LGI2: variants seen among roughly 807,000 people sequenced by gnomAD.
LGI2 encodes the protein leucine rich repeat LGI family member 2.
LGI2 carries 30 observed loss-of-function variants against 52.0 expected under a neutral mutation model. The observed-to-expected ratio is 0.58, with a 90% CI of 0.43 to 0.78. LGI2 has a LOEUF of 0.78. Among genes scored for constraint, LGI2 ranks in the 30% least tolerant of loss-of-function variants. LGI2 has a pLI of 0.00. For missense variants in LGI2, 573 were observed against 692.5 expected (o/e 0.83, Z 1.94); for synonymous variants, 270 against 271.8 (o/e 0.99, Z 0.06).
At chr4:25,013,373 C>G (rs1185254054) in intron 6 of LGI2, among the ~76,000 whole-genome samples, 2 of 152,176 alleles carry the variant, frequency 1.3e-5, no homozygotes, top group Non-Finnish European at 2.9e-5. Context: ...AGAAAAGAGG[C>G]TGCCTCTGCA....
intron 5 of LGI2, 133 bp downstream of exon 5, chr4:25,019,034 G>A: frequency 1.5e-6 from 1 of 689,054 alleles, no homozygotes; most frequent in Non-Finnish European, 2.6e-6. Flanking sequence ...TATTTCCCAG[G>A]ATGCACTACT....
Position 25,012,707 on chromosome 4 carries a change from T to A in LGI2, c.656-208A>T, listed in dbSNP as rs561632761. Among the ~76,000 whole-genome samples, 6 of 152,344 alleles carry A rather than the reference T, an allele frequency of 3.9e-5. No homozygotes were observed. The South Asian group carries it at 1.2e-3, about 32-fold the overall frequency. Reference sequence around the variant, plus strand: ...GCTTGCGCAGGATTATCAGACAGAATGCACAGTTTCTAGTACAGCTTCCTG... The same window carrying A: ...GCTTGCGCAGGATTATCAGACAGAAAGCACAGTTTCTAGTACAGCTTCCTG... On this transcript the variant is annotated intron_variant, in intron 6 of 7. Transcript: ENST00000382114.
chr4:25,006,017 G>T (rs780528655), intron 7 of LGI2, among the ~76,000 whole-genome samples: 1 of 152,314 alleles, frequency 6.6e-6, no homozygotes, highest in African/African-American at 2.4e-5. Flanking sequence ...GGCACCTAGC[G>T]GGTGATTGCT....
rs530731074 is a variant in LGI2 at position 25,004,125 on chromosome 4, G to T, written c.964C>A (p.Arg322Ser). ...FVKFQDIEVS[R>S]ISKPNDIELF... ...TCGATGTCATTGGGCTTGGAAATGC[G>T]AGAGACCTCTATGTCTTGGAATTTG... is the stretch of plus-strand genomic sequence containing the variant. Residue 322 changes from arginine (R) to serine (S), a missense_variant, in exon 8 of 8, where the codon CGC becomes AGC. By Grantham distance (110) the Arg-to-Ser change is moderately radical (BLOSUM62 -1). Transcript: ENST00000382114. The surrounding 1 kb of genome is among the most constrained non-coding windows in gnomAD (Gnocchi z 4.6). 6.2e-7 allele frequency: 1 copy of T among 1,614,162 alleles called. No individual in the cohort carries two copies. The highest frequency in any genetic ancestry group is 8.5e-7 in the Non-Finnish European group (1 of 1,180,036).
At chr4:25,016,528 C>T (rs896525374) in intron 6 of LGI2, among the ~76,000 whole-genome samples, 4 of 152,202 alleles carry the variant, frequency 2.6e-5, no homozygotes, top group South Asian at 2.1e-4. Flanking sequence ...AAACTAACCT[C>T]GTAGTGGCCT....
At chr4:25,010,760 C>T (rs10014043) in intron 7 of LGI2, among the ~76,000 whole-genome samples, 17 of 152,326 alleles carry the variant, frequency 1.1e-4, no homozygotes, top group African/African-American at 3.4e-4. Context: ...CACAGGCTCA[C>T]GGCCAACATC....
At chr4:25,005,442 A>G (rs1414947680) in intron 7 of LGI2, among the ~76,000 whole-genome samples, 1 of 152,190 alleles carries the variant, frequency 6.6e-6, no homozygotes, top group Non-Finnish European at 1.5e-5. Context: ...AATTATCATC[A>G]TGTTTTTAAA....
intron 4 of LGI2, among the ~76,000 whole-genome samples, chr4:25,021,430 C>G (rs1725955665): frequency 6.6e-6 from 1 of 152,156 alleles, no homozygotes. Flanking sequence ...TGCAAAAGTT[C>G]ATGAAAGATA....
At position 25,019,160 on chromosome 4, in the gene LGI2, T is replaced by C. The variant is rs1560292608; in HGVS notation, c.485+7A>G. On this transcript the variant is annotated splice_region_variant and intron_variant, in intron 5 of 7. Transcript: ENST00000382114. ...CAAACACACATAAACTAAATTTCAT[T>C]ACTTACAGTTCAATCAGAGAGTCTA... 6.4e-7 allele frequency: 1 copy of C among 1,559,474 alleles called. No homozygotes were observed. Among genetic ancestry groups the C allele is most frequent in the Non-Finnish European group, 8.8e-7 (1 of 1,132,774 alleles).
rs377186352 is a variant in LGI2, at chr4:25,002,241, C to T, written c.*1210G>A. 9 of 145,866 alleles carry T rather than the reference C, an allele frequency of 6.2e-5. No individual in the cohort carries two copies. Among genetic ancestry groups the T allele is most frequent in the African/African-American group, 2.5e-4 (9 of 36,388 alleles). 9.0% of individuals were successfully genotyped at this position (145,866 alleles called of 1,614,324 possible). A position where few individuals can be genotyped will look rare whatever the true frequency, so the allele number is the denominator to read the frequency against. On this transcript the variant is annotated 3_prime_UTR_variant, in exon 8 of 8. Transcript: ENST00000382114. Reference sequence around the variant, plus strand: ...GCCAACACGTGGCCCCATGTGGGTCCTGGCGGGGGTTCCTTTGGTAAAGTA... The same window carrying T: ...GCCAACACGTGGCCCCATGTGGGTCTTGGCGGGGGTTCCTTTGGTAAAGTA...
chr4:25,012,209 G>A (rs1214965371), intron 7 of LGI2, 126 bp downstream of exon 7: 19 of 1,011,048 alleles, frequency 1.9e-5, no homozygotes, highest in African/African-American at 6.4e-5. Flanking sequence ...AGGCTGGGAC[G>A]TGTTCCCCAG....
chr4:24,993,418 A>G, the LGI2 span, among the ~76,000 whole-genome samples: 2 of 152,212 alleles, frequency 1.3e-5, no homozygotes, highest in East Asian at 1.9e-4. Context: ...GGTATGTAAC[A>G]CTCTGCCTGG....
intron 7 of LGI2, among the ~76,000 whole-genome samples, chr4:25,006,268 C>T (rs1725390987): frequency 6.6e-6 from 1 of 152,182 alleles, no homozygotes; most frequent in Admixed American, 6.5e-5. Flanking sequence ...CCCAGATGCC[C>T]CCCAGACCTC....
intron 7 of LGI2, among the ~76,000 whole-genome samples, chr4:25,009,714 C>A (rs1197071077): frequency 1.3e-5 from 2 of 152,112 alleles, no homozygotes; most frequent in African/African-American, 2.4e-5. Flanking sequence ...TGGCTCACTG[C>A]AACCTCCGCC....
chr4:25,023,363 A>C (rs1463476777), intron 4 of LGI2, among the ~76,000 whole-genome samples: 1 of 152,226 alleles, frequency 6.6e-6, no homozygotes, highest in East Asian at 1.9e-4. Flanking sequence ...TGAATCTGAA[A>C]AACAATAAAG....
chr4:24,996,790 A>G (rs1344656560), downstream of LGI2, among the ~76,000 whole-genome samples: 1 of 152,158 alleles, frequency 6.6e-6, no homozygotes, highest in African/African-American at 2.4e-5. Flanking sequence ...ATCTAGACTT[A>G]TTTCTCCTTC....
At chr4:25,022,350 T>A (rs1238323454) in intron 4 of LGI2, among the ~76,000 whole-genome samples, 1 of 151,850 alleles carries the variant, frequency 6.6e-6, no homozygotes, top group East Asian at 1.9e-4. Flanking sequence ...GGAAAGGATG[T>A]GAGGAAAAGC....
intron 7 of LGI2, 65 bp downstream of exon 7, chr4:25,012,270 T>C: frequency 6.4e-7 from 1 of 1,573,732 alleles, no homozygotes; most frequent in Non-Finnish European, 8.7e-7. Flanking sequence ...AGGACATTCC[T>C]CCTCCCGCGG....
At chr4:25,028,414 T>A (rs759745136) in intron 2 of LGI2, 93 bp downstream of exon 2, 9 of 1,170,054 alleles carry the variant, frequency 7.7e-6, no homozygotes, top group Non-Finnish European at 1.1e-5. Flanking sequence ...CTGGGGTACT[T>A]TAGGAAGGGC....
Sources: allele counts gnomAD v4.1 joint callset (sites outside exome capture counted in the v4.1 genomes callset), GRCh38; gene constraint gnomAD v4.1.1; non-coding constraint Gnocchi (gnomAD v3.1); transcripts MANE v1.5; gene names NCBI Gene and HGNC (gene_info 2026-07-23, HGNC 2026-07-21).